The following DIAPH3 variants were observed in gnomAD, a reference collection of about 807,000 sequenced individuals.
The protein encoded by DIAPH3 is protein diaphanous homolog 3.
In DIAPH3, 117 loss-of-function variants were observed where a neutral mutation model predicts 144.3. The ratio of observed to expected loss-of-function variants is 0.81; its 90% CI spans 0.70 to 0.95. The LOEUF is 0.95. Among genes scored for constraint, DIAPH3 ranks in the 40% least tolerant of loss-of-function variants. The pLI is 0.00. For synonymous variants in DIAPH3, 519 were observed against 488.9 expected (o/e 1.06, Z -0.81); for missense variants, 1,421 against 1,412.7 (o/e 1.01, Z -0.09).
At chr13:60,126,805 G>A (rs189566651) in intron 2 of DIAPH3, among the ~76,000 whole-genome samples, 1 of 151,800 alleles carries the variant, frequency 6.6e-6, no homozygotes, top group African/African-American at 2.4e-5. Context: ...ATAACCCATG[G>A]GTCAAAGAAA....
chr13:59,793,421 A>C (rs1304195163), intron 25 of DIAPH3, among the ~76,000 whole-genome samples: 1 of 152,118 alleles, frequency 6.6e-6, no homozygotes, highest in African/African-American at 2.4e-5. Context: ...TCTCAGTCTC[A>C]TCTCCCATAT....
At chr13:60,125,624 C>T (rs2058971430) in intron 2 of DIAPH3, among the ~76,000 whole-genome samples, 2 of 151,988 alleles carry the variant, frequency 1.3e-5, no homozygotes, top group South Asian at 4.2e-4. Flanking sequence ...TTTCTGCACG[C>T]TAATGAGAGA....
intron 25 of DIAPH3, among the ~76,000 whole-genome samples, chr13:59,781,512 A>G (rs1019324158): frequency 1.3e-5 from 2 of 152,196 alleles, no homozygotes; most frequent in African/African-American, 2.4e-5. Context: ...AATTCCCAGG[A>G]TGTCCCAGTC....
chr13:59,729,077 C>T (rs549528326), intron 27 of DIAPH3, among the ~76,000 whole-genome samples: 49 of 152,180 alleles, frequency 3.2e-4, no homozygotes, highest in African/African-American at 1.1e-3. Context: ...ACTGGAACTG[C>T]CTGTGACCAA....
At chr13:59,772,971 G>T (rs933699753) in intron 27 of DIAPH3, among the ~76,000 whole-genome samples, 15 of 151,974 alleles carry the variant, frequency 9.9e-5, no homozygotes, top group African/African-American at 3.4e-4. Flanking sequence ...TTTATTCATG[G>T]ATAATACAAA....
intron 4 of DIAPH3, among the ~76,000 whole-genome samples, chr13:60,090,556 A>G (rs1279117770): frequency 6.6e-6 from 1 of 152,196 alleles, no homozygotes; most frequent in Non-Finnish European, 1.5e-5. Context: ...AACCATAACA[A>G]AAGTATATCT....
chr13:59,686,234 G>C (rs1337721950), intron 27 of DIAPH3, among the ~76,000 whole-genome samples: 1 of 151,920 alleles, frequency 6.6e-6, no homozygotes, highest in Non-Finnish European at 1.5e-5. Context: ...CTTTTTTTCT[G>C]AAACAAAGGG....
At chr13:59,927,308 C>G (rs2047801074) in intron 17 of DIAPH3, among the ~76,000 whole-genome samples, 1 of 152,112 alleles carries the variant, frequency 6.6e-6, no homozygotes, top group Non-Finnish European at 1.5e-5. Flanking sequence ...AGAATTTACA[C>G]TACTTATAAT....
chr13:59,873,309 T>C lies in DIAPH3; in HGVS notation c.2607+5920A>G, dbSNP rs564553747. On this transcript the variant is annotated intron_variant, in intron 21 of 27. Coordinates refer to ENST00000400324, the MANE Select transcript of DIAPH3 (RefSeq NM_001042517.2). ...AATACCCTGAATGCAAATGGAACAA[T>C]GGATTTGTTCGGCAGAGATCTTTCT... is the stretch of plus-strand genomic sequence containing the variant. Among the ~76,000 whole-genome samples, 20 of 152,288 alleles carry C rather than the reference T, an allele frequency of 1.3e-4. No homozygotes were observed. The South Asian group carries it at 3.3e-3, about 25-fold the overall frequency.
chr13:59,795,546 C>T (rs141548570), intron 25 of DIAPH3, among the ~76,000 whole-genome samples: 1,546 of 151,864 alleles, frequency 0.01, 25 homozygotes, highest in African/African-American at 0.034. Flanking sequence ...GCTCCGCCTC[C>T]GGGTTCACAC....
intron 27 of DIAPH3, among the ~76,000 whole-genome samples, chr13:59,711,092 ATAGT>A (rs540480947): frequency 2.3e-4 from 35 of 152,328 alleles, no homozygotes; most frequent in African/African-American, 8.4e-4. Flanking sequence ...ACTTTATGAA[ATAGT>A]TAGATAATTG....
intron 1 of DIAPH3, among the ~76,000 whole-genome samples, chr13:60,162,447 C>T (rs753457245): frequency 1.3e-5 from 2 of 152,188 alleles, no homozygotes; most frequent in African/African-American, 2.4e-5. Context: ...GGGAAGTTAA[C>T]TCTGTCCTAT....
chr13:59,842,727 C>T (rs925846095), intron 22 of DIAPH3, among the ~76,000 whole-genome samples: 1 of 152,126 alleles, frequency 6.6e-6, no homozygotes, highest in Non-Finnish European at 1.5e-5. Context: ...ACTAGAATGA[C>T]TCACAGAAAT....
chr13:60,025,105 TA>T (rs1385066329), intron 5 of DIAPH3, among the ~76,000 whole-genome samples: 10 of 152,104 alleles, frequency 6.6e-5, no homozygotes, highest in African/African-American at 2.4e-4. Context: ...TGGGGCCACA[TA>T]TTTTTTTCTG....
At chr13:59,761,098 T>G (rs773045275) in intron 27 of DIAPH3, among the ~76,000 whole-genome samples, 4 of 152,222 alleles carry the variant, frequency 2.6e-5, no homozygotes, top group Non-Finnish European at 5.9e-5. Flanking sequence ...TCTTAATGCA[T>G]GTCAATTCTT....
intron 27 of DIAPH3, among the ~76,000 whole-genome samples, chr13:59,686,212 T>C (rs1042349564): frequency 1.3e-5 from 2 of 151,876 alleles, no homozygotes; most frequent in African/African-American, 4.8e-5. Context: ...AATGTGGCAC[T>C]CAGTCATTCA....
chr13:59,673,231 C>T (rs1423438982), intron 27 of DIAPH3, among the ~76,000 whole-genome samples: 2 of 152,166 alleles, frequency 1.3e-5, no homozygotes, highest in African/African-American at 4.8e-5. Context: ...TACTCTTTTC[C>T]ATATCTGCTT....
intron 22 of DIAPH3, among the ~76,000 whole-genome samples, chr13:59,851,635 CT>C (rs200870976): frequency 0.33 from 37,400 of 112,246 alleles, 4,073 homozygotes; most frequent in Admixed American, 0.42. Context: ...ATAGATGAAT[CT>C]TTTTTTTTTT....
chr13:60,124,455 G>T (rs1400057583), intron 2 of DIAPH3, among the ~76,000 whole-genome samples: 1 of 152,042 alleles, frequency 6.6e-6, no homozygotes, highest in African/African-American at 2.4e-5. Context: ...ATTTTTTGGG[G>T]TGGATTTTTT....
Sources: gnomAD v4.1 joint callset for allele counts (sites outside exome capture counted in the v4.1 genomes callset) on GRCh38, gnomAD v4.1.1 for gene constraint, MANE v1.5 for transcripts, NCBI Gene and HGNC (gene_info 2026-07-23, HGNC 2026-07-21) for gene names.